Variants in ZNF462 observed in about 807,000 individuals in gnomAD.
ZNF462 encodes the protein zinc finger protein 462.
ZNF462 carries 10 observed loss-of-function variants against 201.9 expected under a neutral mutation model. The ratio of observed to expected loss-of-function variants is 0.05; its 90% CI spans 0.03 to 0.08. ZNF462 has a LOEUF of 0.08. Among genes scored for constraint, ZNF462 ranks in the 10% least tolerant of loss-of-function variants. The pLI is 1.00. For synonymous variants in ZNF462, 1,227 were observed against 1,193.3 expected, an observed-to-expected ratio of 1.03 and a Z score of -0.58; for missense variants, 2,523 against 3,168.3, an observed-to-expected ratio of 0.80 and a Z score of 4.89.
At chr9:106,894,871 T>C (rs368151369) in intron 1 of ZNF462, among the ~76,000 whole-genome samples, 1 of 152,242 alleles carries the variant, frequency 6.6e-6, no homozygotes, top group Non-Finnish European at 1.5e-5. Context: ...AATATAAAAA[T>C]ATTAAGATAA....
At position 106,901,326 on chromosome 9, in the gene ZNF462, A is replaced by G. The variant is rs190764344; in HGVS notation, c.-30-22028A>G. Among the ~76,000 whole-genome samples, 172 of 152,238 alleles carry G rather than the reference A, an allele frequency of 1.1e-3. 1 individual carries two copies. Among genetic ancestry groups the G allele is most frequent in the South Asian group, 1.0e-3 (5 of 4,824 alleles). The stretch of plus-strand genomic sequence containing the variant: ...GCTGTTTTGGTGACTATGCCCTTAC[A>G]GTATAGTTTGAAATCAGGTAGTGTG... On this transcript the variant is annotated intron_variant, in intron 1 of 12. Coordinates refer to ENST00000277225, the MANE Select transcript of ZNF462 (RefSeq NM_021224.6).
At chr9:106,965,973 A>G (rs1216446622) in intron 7 of ZNF462, among the ~76,000 whole-genome samples, 1 of 152,032 alleles carries the variant, frequency 6.6e-6, no homozygotes, top group South Asian at 2.1e-4. Context: ...TTGTTTGTGT[A>G]CCTTTCTCAA....
Position 106,977,427 on chromosome 9 carries a change from AG to A in ZNF462, c.6832+3155del, listed in dbSNP as rs1217010375. ...ACAGAACTACTGCTGGCAGAAATAG[AG>A]TTTCCATTGCTTTTTGTCTGTATAA... On this transcript the variant is annotated intron_variant, in intron 9 of 12. Coordinates refer to ENST00000277225, the MANE Select transcript of ZNF462 (RefSeq NM_021224.6). This position sits in a 1 kb window ranked among gnomAD's most constrained non-coding sequence, Gnocchi z 4.6. 2.0e-5 allele frequency among the ~76,000 whole-genome samples: 3 copies of A among 151,704 alleles called. No homozygotes were observed. The East Asian group carries it at 5.8e-4, about 29-fold the overall frequency.
At chr9:106,988,869 T>C (rs1828052258) in intron 10 of ZNF462, among the ~76,000 whole-genome samples, 1 of 152,154 alleles carries the variant, frequency 6.6e-6, no homozygotes, top group Non-Finnish European at 1.5e-5. Context: ...GAGCTACTGA[T>C]CTGTGTACAT....
intron 7 of ZNF462, among the ~76,000 whole-genome samples, chr9:106,942,925 T>C (rs897836385): frequency 7.1e-5 from 10 of 140,360 alleles, no homozygotes; most frequent in African/African-American, 2.9e-4. Flanking sequence ...GTTTCATCTA[T>C]CTATGCAGTT....
Position 106,902,615 on chromosome 9 carries a change from G to C in ZNF462, c.-30-20739G>C, listed in dbSNP as rs1829109757. Among the ~76,000 whole-genome samples, 1 of 152,026 alleles carries C rather than the reference G, an allele frequency of 6.6e-6. No homozygotes were observed. The highest frequency in any genetic ancestry group is 2.4e-5 in the African/African-American group (1 of 41,386). On this transcript the variant is annotated intron_variant, in intron 1 of 12. Coordinates refer to ENST00000277225, the MANE Select transcript of ZNF462 (RefSeq NM_021224.6). The surrounding 1 kb of genome is among the most constrained non-coding windows in gnomAD (Gnocchi z 4.2). ...CAATCTCACTGCTTGTTATTGGTCTGTTCAGGGTACCTAATTCTTCCTGAT... is the reference window on the plus strand; with the variant it reads ...CAATCTCACTGCTTGTTATTGGTCTCTTCAGGGTACCTAATTCTTCCTGAT...
At chr9:106,867,703 G>A (rs757276916) in intron 1 of ZNF462, among the ~76,000 whole-genome samples, 7 of 152,196 alleles carry the variant, frequency 4.6e-5, no homozygotes, top group Non-Finnish European at 7.4e-5. Context: ...GAAAGGAATG[G>A]TAAAGTTGCA....
At position 106,935,300 on chromosome 9, in the gene ZNF462, T is replaced by C. The variant is rs1343104715; in HGVS notation, c.6117-203T>C. Among the ~76,000 whole-genome samples the C allele has an allele frequency of 6.6e-6, 1 of 152,196 alleles. No homozygotes were observed. The highest frequency in any genetic ancestry group is 2.4e-5 in the African/African-American group (1 of 41,454). On this transcript the variant is annotated intron_variant, in intron 5 of 12. Coordinates refer to ENST00000277225, the MANE Select transcript of ZNF462 (RefSeq NM_021224.6). The surrounding 1 kb of genome is among the most constrained non-coding windows in gnomAD (Gnocchi z 4.1). ...CTAAATCCAAAAAAAACTCTTGATC[T>C]CTTCCTTTAGCTTCCTGTCCTCTTA...
intron 7 of ZNF462, among the ~76,000 whole-genome samples, chr9:106,964,008 CGT>C (rs111450825): frequency 0.14 from 20,942 of 146,326 alleles, 1,444 homozygotes; most frequent in African/African-American, 0.17. Context: ...AAATAATATT[CGT>C]GTGTGTGTGT....
At chr9:106,916,544 C>G (rs1261613080) in intron 1 of ZNF462, among the ~76,000 whole-genome samples, 1 of 152,188 alleles carries the variant, frequency 6.6e-6, no homozygotes, top group Non-Finnish European at 1.5e-5. Flanking sequence ...TTTTCTGTCT[C>G]TGCTGTTTGG....
intron 1 of ZNF462, among the ~76,000 whole-genome samples, chr9:106,873,489 A>C (rs1278518971): frequency 6.6e-6 from 1 of 151,724 alleles, no homozygotes. Flanking sequence ...AGTGCCCTGT[A>C]TTGGCTCTGG....
intron 7 of ZNF462, among the ~76,000 whole-genome samples, chr9:106,964,794 T>C (rs1831996821): frequency 6.6e-6 from 1 of 152,104 alleles, no homozygotes; most frequent in African/African-American, 2.4e-5. Flanking sequence ...TTGAATGAGC[T>C]CAGTAGCAAA....
chr9:106,971,507 C>T (rs756957742), intron 7 of ZNF462, among the ~76,000 whole-genome samples: 2 of 151,282 alleles, frequency 1.3e-5, no homozygotes. Context: ...TAGTTCCTCC[C>T]GGCATGCATT....
chr9:106,863,412 A>G, intron 1 of ZNF462, 57 bp downstream of exon 1: 1 of 391,060 alleles, frequency 2.6e-6, no homozygotes, highest in Non-Finnish European at 4.5e-6. Flanking sequence ...CGGGGAAGAG[A>G]GCGCGGGGTG....
At position 106,930,902 on chromosome 9, in the gene ZNF462, T is replaced by G; in HGVS notation, c.6012+213T>G. ...AGGTCGAGTTTCGATCTGGTTTCCT[T>G]CCACGCGGATAGTTTGGTGGCAGCA... On this transcript the variant is annotated intron_variant, in intron 4 of 12. Coordinates refer to ENST00000277225, the MANE Select transcript of ZNF462 (RefSeq NM_021224.6). The surrounding 1 kb of genome is among the most constrained non-coding windows in gnomAD (Gnocchi z 5.8). The G allele has an allele frequency of 1.9e-6, 1 of 518,474 alleles. No individual in the cohort carries two copies. Among genetic ancestry groups the G allele is most frequent in the South Asian group, 2.4e-5 (1 of 41,704 alleles). 32.1% of individuals were successfully genotyped at this position (518,474 alleles called of 1,614,324 possible).
Position 106,907,931 on chromosome 9 carries a change from G to A in ZNF462, c.-30-15423G>A, listed in dbSNP as rs935828573. Among the ~76,000 whole-genome samples, 6 of 151,958 alleles carry A rather than the reference G, an allele frequency of 3.9e-5. 1 individual carries two copies. Among genetic ancestry groups the A allele is most frequent in the Admixed American group, 6.5e-5 (1 of 15,284 alleles). On this transcript the variant is annotated intron_variant, in intron 1 of 12. Transcript: ENST00000277225. ...AGCATTTTAAAAGTCATACTCTACT[G>A]GTGAGTTTTTATTTCTGGTTACCCC...
intron 10 of ZNF462, among the ~76,000 whole-genome samples, chr9:106,996,129 T>C (rs1299609102): frequency 1.3e-5 from 2 of 152,166 alleles, no homozygotes; most frequent in African/African-American, 4.8e-5. Context: ...TCCATGTCCC[T>C]ACAAAGGACA....
chr9:106,934,571 G>A (rs981767154), intron 5 of ZNF462, among the ~76,000 whole-genome samples: 3 of 152,216 alleles, frequency 2.0e-5, no homozygotes, highest in African/African-American at 4.8e-5. Context: ...GGTTTGTTTA[G>A]AACAGGTTGA....
intron 1 of ZNF462, among the ~76,000 whole-genome samples, chr9:106,910,503 C>T (rs964502038): frequency 6.6e-5 from 10 of 151,254 alleles, no homozygotes; most frequent in Admixed American, 4.0e-4. Context: ...GCTTTTAGAA[C>T]CTGAGTTTGT....
Sources: gnomAD v4.1 joint callset for allele counts (sites outside exome capture counted in the v4.1 genomes callset) on GRCh38, gnomAD v4.1.1 for gene constraint, Gnocchi (gnomAD v3.1) non-coding constraint, MANE v1.5 for transcripts, NCBI Gene and HGNC (gene_info 2026-07-23, HGNC 2026-07-21) for gene names.